The following SAMD4A variants were observed in gnomAD, a reference collection of about 807,000 sequenced individuals.
SAMD4A encodes protein Smaug homolog 1.
In SAMD4A, 33 loss-of-function variants were observed where a neutral mutation model predicts 81.3. The observed-to-expected ratio is 0.41, with a 90% CI of 0.31 to 0.54. The LOEUF (loss-of-function observed/expected upper bound fraction) is 0.54. SAMD4A is among the 20% of genes least tolerant of loss of function. The probability of loss-of-function intolerance (pLI) is 0.37; values close to 1 mark genes in which losing one functional copy is unlikely to be tolerated. For missense variants in SAMD4A, 854 were observed against 951.1 expected (o/e 0.90, Z 1.34); for synonymous variants, 389 against 382.1 (o/e 1.02, Z -0.21).
chr14:54,714,108 G>A (rs1172880229), intron 3 of SAMD4A, among the ~76,000 whole-genome samples: 3 of 152,068 alleles, frequency 2.0e-5, no homozygotes, highest in Non-Finnish European at 2.9e-5. Context: ...TCCATTTTCA[G>A]CCTTTCGTAT....
intron 8 of SAMD4A, among the ~76,000 whole-genome samples, chr14:54,768,162 C>A (rs1267046217): frequency 6.6e-6 from 1 of 152,162 alleles, no homozygotes; most frequent in Non-Finnish European, 1.5e-5. Context: ...AGTTTAGAGA[C>A]CTTGAAGTCA....
chr14:54,779,476 C>G (rs1400902935), intron 11 of SAMD4A, among the ~76,000 whole-genome samples: 1 of 152,140 alleles, frequency 6.6e-6, no homozygotes, highest in Non-Finnish European at 1.5e-5. Flanking sequence ...TTCTGTAAAC[C>G]TAAAATAACT....
intron 3 of SAMD4A, among the ~76,000 whole-genome samples, chr14:54,723,340 C>A (rs1217279937): frequency 6.6e-6 from 1 of 152,126 alleles, no homozygotes; most frequent in Non-Finnish European, 1.5e-5. Context: ...TATAGGGAAT[C>A]TTTATGCTAC....
intron 2 of SAMD4A, among the ~76,000 whole-genome samples, chr14:54,571,212 T>G (rs2033118855): frequency 6.6e-6 from 1 of 152,232 alleles, no homozygotes; most frequent in Non-Finnish European, 1.5e-5. Context: ...ATCCTTTGCC[T>G]CAGGCTCATG....
chr14:54,621,234 G>C (rs571600468), intron 2 of SAMD4A, among the ~76,000 whole-genome samples: 78 of 152,220 alleles, frequency 5.1e-4, no homozygotes, highest in Admixed American at 1.6e-3. Flanking sequence ...TCAGAGAGTA[G>C]TCTTCCCTCA....
At chr14:54,782,400 C>T (rs1332374606) in intron 11 of SAMD4A, among the ~76,000 whole-genome samples, 1 of 151,948 alleles carries the variant, frequency 6.6e-6, no homozygotes, top group Non-Finnish European at 1.5e-5. Flanking sequence ...AGATTTCACA[C>T]CCTGAAGACT....
chr14:54,735,531 G>A (rs1039132770), intron 3 of SAMD4A, among the ~76,000 whole-genome samples: 4 of 152,128 alleles, frequency 2.6e-5, no homozygotes, highest in Middle Eastern at 6.8e-3. Context: ...TAGCCCTTCC[G>A]ATTGTCCCCA....
Position 54,702,262 on chromosome 14 carries a change from C to G in SAMD4A, c.397C>G (p.Pro133Ala). The G allele has an allele frequency of 1.2e-6, 2 of 1,614,168 alleles. No homozygotes were observed. Among genetic ancestry groups the G allele is most frequent in the Admixed American group, 1.7e-5 (1 of 60,022 alleles). ...GCTGCTGTCCTATGCTTTGATACATCCAGCCACTTCGTTAGAAGACCGTAG... is the reference window on the plus strand; with the variant it reads ...GCTGCTGTCCTATGCTTTGATACATGCAGCCACTTCGTTAGAAGACCGTAG... ...RQLLSYALIH[P>A]ATSLEDRSAL... is the part of the protein sequence containing the mutation. The change falls in exon 3 of 13, where the codon CCA becomes GCA. Residue 133 changes from proline to alanine, a missense_variant. By Grantham distance (27) the Pro-to-Ala change is conservative. Coordinates refer to ENST00000554335, the MANE Select transcript of SAMD4A (RefSeq NM_015589.6).
Position 54,751,432 on chromosome 14 carries a change from A to C in SAMD4A, c.1090-19A>C, listed in dbSNP as rs765843079. The stretch of plus-strand genomic sequence containing the variant: ...GTTTTTAAATATACATTTAAATGTA[A>C]CTTGTTATTTAATTACAGAATGTTA... On this transcript the variant is annotated intron_variant, in intron 5 of 12. Transcript: ENST00000554335. The C allele has an allele frequency of 2.1e-6, 3 of 1,408,288 alleles. No individual in the cohort carries two copies. Among genetic ancestry groups the C allele is most frequent in the South Asian group, 2.4e-5 (2 of 82,238 alleles). 87.2% of individuals were successfully genotyped at this position (1,408,288 alleles called of 1,614,324 possible).
rs77297730 is a variant in SAMD4A, at chr14:54,614,076, A to G, written c.196+45964A>G. On this transcript the variant is annotated intron_variant, in intron 2 of 12. Coordinates refer to ENST00000554335, the MANE Select transcript of SAMD4A (RefSeq NM_015589.6). ...ATTTCTGTGAGCCTGGATTTTCTTT[A>G]TATACTTTAAAGAGCATATCCTAAC... Among the ~76,000 whole-genome samples, 1,333 of 152,326 alleles carry G rather than the reference A, an allele frequency of 8.8e-3. 26 individuals carry two copies. Among genetic ancestry groups the G allele is most frequent in the African/African-American group, 0.031 (1,270 of 41,564 alleles).
intron 2 of SAMD4A, among the ~76,000 whole-genome samples, chr14:54,613,637 G>A (rs996861967): frequency 1.3e-5 from 2 of 152,192 alleles, no homozygotes; most frequent in Non-Finnish European, 2.9e-5. Context: ...AAGATGGGAT[G>A]AATGATATGT....
intron 2 of SAMD4A, among the ~76,000 whole-genome samples, chr14:54,640,774 C>T (rs1179530764): frequency 6.6e-6 from 1 of 152,098 alleles, no homozygotes; most frequent in East Asian, 1.9e-4. Flanking sequence ...GATTAGTGTG[C>T]CTGGTGCACT....
chr14:54,612,063 C>A (rs2034372190), intron 2 of SAMD4A, among the ~76,000 whole-genome samples: 1 of 152,034 alleles, frequency 6.6e-6, no homozygotes, highest in Non-Finnish European at 1.5e-5. Context: ...GGGCCTTGCA[C>A]CACTGGAATG....
chr14:54,747,641 C>A (rs540422547), intron 4 of SAMD4A, among the ~76,000 whole-genome samples: 1 of 152,220 alleles, frequency 6.6e-6, no homozygotes, highest in African/African-American at 2.4e-5. Context: ...AATGCTTTAG[C>A]ATTTCAAAGT....
At chr14:54,706,388 T>A (rs1487678265) in intron 3 of SAMD4A, among the ~76,000 whole-genome samples, 1 of 151,438 alleles carries the variant, frequency 6.6e-6, no homozygotes, top group Non-Finnish European at 1.5e-5. Flanking sequence ...GCAGATCACT[T>A]GAGGTCAGGA....
chr14:54,733,852 A>G (rs796582903), intron 3 of SAMD4A, among the ~76,000 whole-genome samples: 2 of 151,454 alleles, frequency 1.3e-5, no homozygotes, highest in African/African-American at 4.8e-5. Context: ...CTTCTGCCCG[A>G]ATGTCCATAT....
At chr14:54,762,118 C>A (rs1172205215) in intron 7 of SAMD4A, among the ~76,000 whole-genome samples, 1 of 152,190 alleles carries the variant, frequency 6.6e-6, no homozygotes, top group Non-Finnish European at 1.5e-5. Context: ...GACTCCACAG[C>A]GTGGTCCTTT....
chr14:54,594,871 T>G (rs984448732), intron 2 of SAMD4A, among the ~76,000 whole-genome samples: 2 of 152,254 alleles, frequency 1.3e-5, no homozygotes, highest in African/African-American at 4.8e-5. Flanking sequence ...CTTTTGATTT[T>G]GGAGCCACTT....
At chr14:54,746,074 T>C (rs1048387834) in intron 4 of SAMD4A, among the ~76,000 whole-genome samples, 2 of 152,274 alleles carry the variant, frequency 1.3e-5, no homozygotes, top group African/African-American at 4.8e-5. Flanking sequence ...TTAGAATTCC[T>C]GACTTTGGGG....
Sources: gnomAD v4.1 joint callset for allele counts (sites outside exome capture counted in the v4.1 genomes callset) on GRCh38, gnomAD v4.1.1 for gene constraint, MANE v1.5 for transcripts, NCBI Gene and HGNC (gene_info 2026-07-23, HGNC 2026-07-21) for gene names.